Variants in DOCK2 observed in about 807,000 individuals in gnomAD.
The protein encoded by DOCK2 is dedicator of cytokinesis protein 2.
Under a neutral mutation model 248.9 loss-of-function variants are expected in DOCK2, and 87 were observed. The ratio of observed to expected loss-of-function variants is 0.35; its 90% CI spans 0.29 to 0.42. The LOEUF (loss-of-function observed/expected upper bound fraction) is 0.42, where lower values mean the gene tolerates loss of function less well. Among genes scored for constraint, DOCK2 ranks in the 10% least tolerant of loss-of-function variants. The pLI is 1.00. For missense variants in DOCK2, 1,747 were observed against 2,300.2 expected (o/e 0.76, Z 4.92); for synonymous variants, 805 against 821.6 (o/e 0.98, Z 0.35).
At chr5:170,031,535 T>C (rs900900484) in intron 34 of DOCK2, among the ~76,000 whole-genome samples, 6 of 152,198 alleles carry the variant, frequency 3.9e-5, no homozygotes, top group African/African-American at 1.4e-4. Context: ...TGTTGTGGGA[T>C]TACAAGGTAA....
intron 46 of DOCK2, chr5:170,075,423 C>G (rs1468233422): frequency 6.5e-6 from 1 of 153,044 alleles, no homozygotes; most frequent in Non-Finnish European, 1.5e-5. Context: ...GATATTAGCA[C>G]ATTCATATCC....
intron 27 of DOCK2, among the ~76,000 whole-genome samples, chr5:169,841,753 C>T (rs961353946): frequency 6.6e-6 from 1 of 152,166 alleles, no homozygotes; most frequent in African/African-American, 2.4e-5. Context: ...AAAAGTCATA[C>T]CTTACTTCTT....
intron 46 of DOCK2, among the ~76,000 whole-genome samples, chr5:170,073,427 G>A (rs1377904265): frequency 6.6e-6 from 1 of 152,086 alleles, no homozygotes; most frequent in Admixed American, 6.6e-5. Context: ...CCTCTTCTAA[G>A]TCCTTTGTAT....
chr5:169,938,493 T>A (rs1275345812), intron 27 of DOCK2, among the ~76,000 whole-genome samples: 2 of 152,160 alleles, frequency 1.3e-5, no homozygotes, highest in Non-Finnish European at 2.9e-5. Context: ...TTAGAACACA[T>A]TGGTAAATGT....
chr5:169,908,713 CTTT>C (rs34261104), intron 27 of DOCK2, among the ~76,000 whole-genome samples: 2,054 of 105,086 alleles, frequency 0.02, 32 homozygotes, highest in African/African-American at 0.066. Context: ...TTTCTTTTTT[CTTT>C]TTTTTTTTTT....
chr5:170,039,378 A>G (rs1289810734), intron 36 of DOCK2, among the ~76,000 whole-genome samples: 1 of 152,100 alleles, frequency 6.6e-6, no homozygotes, highest in Non-Finnish European at 1.5e-5. Context: ...TCTTGCTGTT[A>G]TGTATCTGAT....
Position 169,671,155 on chromosome 5 carries a change from T to C in DOCK2, c.302T>C (p.Ile101Thr). 3.1e-6 allele frequency: 5 copies of C among 1,614,072 alleles called. No individual in the cohort carries two copies. Among genetic ancestry groups the C allele is most frequent in the Non-Finnish European group, 4.2e-6 (5 of 1,179,960 alleles). ...VTTTLWEWGS[I>T]WKQLYVASKK... ...ACGACACTTTGGGAATGGGGAAGCA[T>C]CTGGAAACAACTCTATGTGGTGAGA... The change falls in exon 5 of 52, where the codon ATC becomes ACC. Residue 101 changes from isoleucine to threonine, a missense_variant. Physicochemically the swap from Ile to Thr is moderately conservative, Grantham distance 89 (BLOSUM62 -1). Transcript: ENST00000520908.
chr5:169,858,766 G>A (rs551506104), intron 27 of DOCK2, among the ~76,000 whole-genome samples: 1 of 152,188 alleles, frequency 6.6e-6, no homozygotes, highest in Non-Finnish European at 1.5e-5. Flanking sequence ...ACTTTGGGAG[G>A]TTGAGGCAGG....
At chr5:169,841,832 G>A (rs1769994172) in intron 27 of DOCK2, among the ~76,000 whole-genome samples, 1 of 152,162 alleles carries the variant, frequency 6.6e-6, no homozygotes, top group Non-Finnish European at 1.5e-5. Flanking sequence ...CTATCCTCAT[G>A]AGAATATGAG....
intron 27 of DOCK2, among the ~76,000 whole-genome samples, chr5:169,959,711 G>C (rs1181865796): frequency 6.6e-6 from 1 of 152,140 alleles, no homozygotes; most frequent in Non-Finnish European, 1.5e-5. Context: ...ACTTGGCCTT[G>C]ACTAGATATT....
chr5:169,864,953 A>C (rs1459518728), intron 27 of DOCK2, among the ~76,000 whole-genome samples: 1 of 152,214 alleles, frequency 6.6e-6, no homozygotes, highest in Non-Finnish European at 1.5e-5. Context: ...TGCTCAGAGT[A>C]GTGCCTGGCG....
chr5:170,040,574 C>T (rs1581548956), intron 36 of DOCK2: 1 of 174,164 alleles, frequency 5.7e-6, no homozygotes, highest in Admixed American at 5.7e-5. Flanking sequence ...GTGGCTTGTT[C>T]ATACTCCTTC....
At chr5:170,022,373 TCTCTGCTCTGGGTTTCTTTTATAAG>T (rs1193588807) in intron 33 of DOCK2, among the ~76,000 whole-genome samples, 1 of 152,208 alleles carries the variant, frequency 6.6e-6, no homozygotes, top group African/African-American at 2.4e-5. Flanking sequence ...GCAATCTCTT[TCTCTGCTCTGGGTTTCTTTTATAAG>T]CTCTGTGCCA....
intron 27 of DOCK2, among the ~76,000 whole-genome samples, chr5:169,978,189 C>T (rs1356804499): frequency 6.6e-6 from 1 of 152,064 alleles, no homozygotes; most frequent in South Asian, 2.1e-4. Flanking sequence ...AGCAAGCTTC[C>T]GAAGTTGGCT....
intron 27 of DOCK2, among the ~76,000 whole-genome samples, chr5:169,863,143 G>T (rs1771308042): frequency 6.6e-6 from 1 of 152,194 alleles, no homozygotes; most frequent in Non-Finnish European, 1.5e-5. Context: ...AACAGAATGA[G>T]CCAGACCTTG....
chr5:169,910,891 A>T (rs1774558461), intron 27 of DOCK2, among the ~76,000 whole-genome samples: 1 of 152,136 alleles, frequency 6.6e-6, no homozygotes. Flanking sequence ...GGGGTTGGTT[A>T]ACCATTTGTC....
intron 6 of DOCK2, among the ~76,000 whole-genome samples, chr5:169,678,399 G>T (rs1759459906): frequency 6.6e-6 from 1 of 151,958 alleles, no homozygotes; most frequent in African/African-American, 2.4e-5. Context: ...AAGTAGCTGG[G>T]ACTATAGGCA....
At chr5:170,037,225 C>T (rs1756351283) in intron 36 of DOCK2, among the ~76,000 whole-genome samples, 1 of 151,702 alleles carries the variant, frequency 6.6e-6, no homozygotes, top group Non-Finnish European at 1.5e-5. Flanking sequence ...ATTTCCAGGA[C>T]TTTTTTATAT....
chr5:169,735,971 A>T (rs1310659232), intron 22 of DOCK2, among the ~76,000 whole-genome samples: 1 of 151,674 alleles, frequency 6.6e-6, no homozygotes, highest in Non-Finnish European at 1.5e-5. Flanking sequence ...AGAGAGAGAG[A>T]GGGAGAGAGA....
Sources: allele counts gnomAD v4.1 joint callset (sites outside exome capture counted in the v4.1 genomes callset), GRCh38; gene constraint gnomAD v4.1.1; transcripts MANE v1.5; gene names NCBI Gene and HGNC (gene_info 2026-07-23, HGNC 2026-07-21).